The following ROBO2 variants were observed in gnomAD, a reference collection of about 807,000 sequenced individuals.
ROBO2 encodes the protein roundabout homolog 2.
A neutral mutation model predicts 160.8 loss-of-function variants in ROBO2; 53 were observed. That is an observed-to-expected ratio of 0.33 (90% CI 0.26 to 0.41). ROBO2 has a LOEUF of 0.41. ROBO2 is among the 10% of genes least tolerant of loss of function. The pLI is 1.00. For missense variants in ROBO2, 1,577 were observed against 1,722.4 expected, an observed-to-expected ratio of 0.92 and a Z score of 1.49; for synonymous variants, 664 against 611.7, an observed-to-expected ratio of 1.09 and a Z score of -1.26.
At chr3:76,850,449 C>T (rs2069226997) in intron 2 of ROBO2, among the ~76,000 whole-genome samples, 1 of 152,100 alleles carries the variant, frequency 6.6e-6, no homozygotes, top group Non-Finnish European at 1.5e-5. Context: ...GAGCTTTGAC[C>T]GATGGAAGCG....
intron 2 of ROBO2, among the ~76,000 whole-genome samples, chr3:77,189,206 G>A (rs2081580778): frequency 6.6e-6 from 1 of 151,750 alleles, no homozygotes; most frequent in South Asian, 2.1e-4. Flanking sequence ...TTTTGTAAAT[G>A]ATTATTGTAC....
At chr3:75,975,799 AAAC>A (rs1340411710) in intron 2 of ROBO2, among the ~76,000 whole-genome samples, 1 of 151,618 alleles carries the variant, frequency 6.6e-6, no homozygotes, top group African/African-American at 2.4e-5. Context: ...TAAAATAACT[AAAC>A]AACAAAATCC....
intron 2 of ROBO2, among the ~76,000 whole-genome samples, chr3:76,461,667 C>A (rs1382231709): frequency 6.6e-6 from 1 of 152,118 alleles, no homozygotes; most frequent in Non-Finnish European, 1.5e-5. Context: ...AGAACAATTT[C>A]TTTACAAATT....
intron 13 of ROBO2, among the ~76,000 whole-genome samples, chr3:77,570,337 G>T (rs1175827141): frequency 6.6e-6 from 1 of 151,890 alleles, no homozygotes; most frequent in Non-Finnish European, 1.5e-5. Context: ...TCCAGGAGGG[G>T]GACGTTGTCT....
intron 2 of ROBO2, among the ~76,000 whole-genome samples, chr3:76,234,245 G>A (rs1704798727): frequency 6.6e-6 from 1 of 152,068 alleles, no homozygotes; most frequent in Admixed American, 6.5e-5. Context: ...TTGATTCTTT[G>A]CTATCATGAA....
chr3:76,215,224 G>A (rs966080952), intron 2 of ROBO2, among the ~76,000 whole-genome samples: 3 of 152,110 alleles, frequency 2.0e-5, no homozygotes, highest in African/African-American at 7.2e-5. Flanking sequence ...AAACAGAGCA[G>A]AAAAACCGGA....
At chr3:76,457,721 G>T (rs1240725084) in intron 2 of ROBO2, among the ~76,000 whole-genome samples, 4 of 152,162 alleles carry the variant, frequency 2.6e-5, no homozygotes, top group Non-Finnish European at 5.9e-5. Flanking sequence ...GGGCATCCAG[G>T]CATTTCCATA....
intron 2 of ROBO2, among the ~76,000 whole-genome samples, chr3:77,258,911 T>G (rs1040916296): frequency 3.3e-5 from 5 of 152,210 alleles, no homozygotes; most frequent in African/African-American, 1.2e-4. Flanking sequence ...CCTTCTTGAT[T>G]GGATGGTGCT....
chr3:76,988,294 G>T (rs1451280171), intron 2 of ROBO2, among the ~76,000 whole-genome samples: 1 of 152,140 alleles, frequency 6.6e-6, no homozygotes, highest in Non-Finnish European at 1.5e-5. Flanking sequence ...GTCAGTAGGG[G>T]AATGGATGGT....
chr3:76,803,562 AG>A (rs1019390940), intron 2 of ROBO2, among the ~76,000 whole-genome samples: 13 of 151,998 alleles, frequency 8.6e-5, no homozygotes, highest in Middle Eastern at 3.4e-3. Context: ...AAAAGGAGAG[AG>A]GAAAAAAAAC....
intron 2 of ROBO2, among the ~76,000 whole-genome samples, chr3:76,812,386 A>G (rs1373833909): frequency 1.3e-5 from 2 of 148,678 alleles, no homozygotes; most frequent in Non-Finnish European, 3.0e-5. Flanking sequence ...AGGCCATTTC[A>G]TGCCCAAAGA....
At chr3:76,271,943 T>C (rs1707456584) in intron 2 of ROBO2, among the ~76,000 whole-genome samples, 1 of 152,156 alleles carries the variant, frequency 6.6e-6, no homozygotes, top group Admixed American at 6.6e-5. Flanking sequence ...CTTTTCTAAA[T>C]ATTCTAGTTC....
At chr3:76,573,267 TG>T (rs1190885902) in intron 2 of ROBO2, among the ~76,000 whole-genome samples, 3 of 152,090 alleles carry the variant, frequency 2.0e-5, no homozygotes, top group African/African-American at 7.2e-5. Context: ...CTACAAAAAC[TG>T]GGGTTGATAA....
chr3:77,073,924 A>G (rs548434719), intron 1 of ROBO2, among the ~76,000 whole-genome samples: 53 of 152,276 alleles, frequency 3.5e-4, no homozygotes, highest in African/African-American at 1.3e-3. Context: ...TACACAAAGA[A>G]AGGGATAAAT....
chr3:77,478,374 GTAAAA>G (rs1298577356), intron 3 of ROBO2, among the ~76,000 whole-genome samples: 1 of 152,126 alleles, frequency 6.6e-6, no homozygotes, highest in African/African-American at 2.4e-5. Flanking sequence ...TTGAATAGAT[GTAAAA>G]TAAAATGGAA....
intron 2 of ROBO2, among the ~76,000 whole-genome samples, chr3:76,660,588 A>G (rs1056680833): frequency 3.9e-5 from 6 of 152,210 alleles, no homozygotes; most frequent in Non-Finnish European, 8.8e-5. Flanking sequence ...ATTTAAAGCA[A>G]GACCTATAGA....
intron 2 of ROBO2, among the ~76,000 whole-genome samples, chr3:76,269,585 AT>A (rs1707304082): frequency 2.0e-5 from 2 of 101,074 alleles, no homozygotes; most frequent in Non-Finnish European, 3.9e-5. Flanking sequence ...TTATGGTTAA[AT>A]GAAAAAAAAA....
intron 2 of ROBO2, among the ~76,000 whole-genome samples, chr3:76,943,659 A>G (rs984418112): frequency 2.6e-5 from 4 of 152,234 alleles, no homozygotes; most frequent in African/African-American, 9.6e-5. Context: ...GTATAGTCCT[A>G]TTACCAGAAG....
intron 2 of ROBO2, among the ~76,000 whole-genome samples, chr3:77,408,103 A>C (rs1303931861): frequency 6.6e-6 from 1 of 152,178 alleles, no homozygotes; most frequent in East Asian, 1.9e-4. Context: ...AAACAAAAAA[A>C]AAAATAAACA....
Sources: allele counts gnomAD v4.1 joint callset (sites outside exome capture counted in the v4.1 genomes callset), GRCh38; gene constraint gnomAD v4.1.1; transcripts MANE v1.5; gene names NCBI Gene and HGNC (gene_info 2026-07-23, HGNC 2026-07-21).